KIF17: variants seen among roughly 807,000 people sequenced by gnomAD.
The protein encoded by KIF17 is kinesin-like protein KIF17.
A neutral mutation model predicts 96.8 loss-of-function variants in KIF17; 80 were observed. The observed-to-expected ratio is 0.83, with a 90% CI of 0.69 to 1.00. The LOEUF is 1.00. Ranked by LOEUF, KIF17 falls within the 50% of genes least tolerant of loss-of-function variation. The pLI, the probability that KIF17 is intolerant of heterozygous loss-of-function variation, is 0.00. For missense variants in KIF17, 1,280 were observed against 1,372.9 expected (o/e 0.93, Z 1.07); for synonymous variants, 567 against 587.5 (o/e 0.97, Z 0.51).
Position 20,672,110 on chromosome 1 carries a change from C to T in KIF17, c.2550G>A (p.Gln850=). 1 of 1,614,206 alleles carries T rather than the reference C, an allele frequency of 6.2e-7. No individual in the cohort carries two copies. Among genetic ancestry groups the T allele is most frequent in the Non-Finnish European group, 8.5e-7 (1 of 1,180,032 alleles). ...GCTGCAAGAGCATGGAGTCACGCTC[C>T]TGCCGGCGGATGGTGGCCAAGTAAT... ...KIDYLATIRR[Q]ERDSMLLQQL... The change falls in exon 12 of 15, where the codon CAG becomes CAA. Residue 850 remains glutamine, a synonymous_variant. Transcript: ENST00000400463. This position sits in a 1 kb window ranked among gnomAD's most constrained non-coding sequence, Gnocchi z 4.3.
In KIF17 at chr1:20,707,787, A is replaced by ATGTGTGTGTGTGTGTGTGTGTGTG. The variant is rs3077930; in HGVS notation, c.670+1828_670+1851dup. ...CAAAAAAAAAAACAAACCAATGTGT[A>ATGTGTGTGTGTGTGTGTGTGTGTG]TGTGTGTGTGTGTGTGTGTGTGTGT... On this transcript the variant is annotated intron_variant, in intron 4 of 14. Coordinates refer to ENST00000400463, the MANE Select transcript of KIF17 (RefSeq NM_001122819.3). Among the ~76,000 whole-genome samples the ATGTGTGTGTGTGTGTGTGTGTGTG allele has an allele frequency of 1.3e-3, 159 of 124,548 alleles. 3 individuals carry two copies. The highest frequency in any genetic ancestry group is 4.8e-3 in the African/African-American group (148 of 30,522). The allele number at this position is 124,548 out of a possible 152,430, so 81.7% of individuals were successfully genotyped here.
rs374751307 is a variant in KIF17 at position 20,704,422 on chromosome 1, C to T, written c.1123+25G>A. On this transcript the variant is annotated intron_variant, in intron 5 of 14. Coordinates refer to ENST00000400463, the MANE Select transcript of KIF17 (RefSeq NM_001122819.3). This position sits in a 1 kb window ranked among gnomAD's most constrained non-coding sequence, Gnocchi z 6.8. ...CTTTCTCCTGGGGACCTGGCCCTCC[C>T]GCCACTACCCCAACGTGGTCCCACC... The T allele has an allele frequency of 1.4e-5, 22 of 1,598,218 alleles. No homozygotes were observed. The highest frequency in any genetic ancestry group is 2.2e-5 in the South Asian group (2 of 89,856).
chr1:20,672,899 C>T lies in KIF17; in HGVS notation c.2464-703G>A, dbSNP rs1313299753. ...GACTACCTGGTGCACAGTCTGTTTC[C>T]TCAAAGAGCAGGTACAGTCTGATTA... is the stretch of plus-strand genomic sequence containing the variant. On this transcript the variant is annotated intron_variant, in intron 11 of 14. Transcript: ENST00000400463. This position sits in a 1 kb window ranked among gnomAD's most constrained non-coding sequence, Gnocchi z 4.3. 6.3e-6 allele frequency: 1 copy of T among 158,548 alleles called. No individual in the cohort carries two copies. Among genetic ancestry groups the T allele is most frequent in the Non-Finnish European group, 1.4e-5 (1 of 71,328 alleles). The allele number at this position is 158,548 out of a possible 1,614,324, so 9.8% of individuals were successfully genotyped here. A position where few individuals can be genotyped will look rare whatever the true frequency, so the allele number is the denominator to read the frequency against.
Position 20,682,681 on chromosome 1 carries a change from C to A in KIF17, c.2435G>T (p.Ser812Ile). Reference sequence around the variant, plus strand: ...CCTCTGCATCTTCTCCAGCAGCTTGCTCTTGGCCCGCACTTCCTCCTGGAT... The same window carrying A: ...CCTCTGCATCTTCTCCAGCAGCTTGATCTTGGCCCGCACTTCCTCCTGGAT... ...DSIQEEVRAK[S>I]KLLEKMQRKL... is the part of the protein sequence containing the mutation. The change falls in exon 11 of 15, where the codon AGC becomes ATC. Residue 812 changes from serine (S) to isoleucine (I), a missense_variant. Physicochemically the swap from Ser to Ile is moderately radical, Grantham distance 142. Transcript: ENST00000400463. The A allele has an allele frequency of 6.2e-7, 1 of 1,614,068 alleles. No homozygotes were observed. The highest frequency in any genetic ancestry group is 8.5e-7 in the Non-Finnish European group (1 of 1,180,036).
At chr1:20,678,511 T>C (rs1158805809) in intron 11 of KIF17, among the ~76,000 whole-genome samples, 1 of 151,976 alleles carries the variant, frequency 6.6e-6, no homozygotes, top group East Asian at 1.9e-4. Context: ...CAAAAAAACA[T>C]GCAGAAGAAC....
At position 20,704,742 on chromosome 1, in the gene KIF17, C is replaced by T. The variant is rs1290236679; in HGVS notation, c.828G>A (p.Ala276=). ...CGTGCTTACAGCGCCCGTCCACCAGCGCCGAGATGACATTGCCCAGTGCCG... is the reference window on the plus strand; with the variant it reads ...CGTGCTTACAGCGCCCGTCCACCAGTGCCGAGATGACATTGCCCAGTGCCG... ...SLSALGNVIS[A]LVDGRCKHVP... The change falls in exon 5 of 15, where the codon GCG becomes GCA. Residue 276 remains alanine (A), a synonymous_variant. Transcript: ENST00000400463. This position sits in a 1 kb window ranked among gnomAD's most constrained non-coding sequence, Gnocchi z 6.8. The T allele has an allele frequency of 3.1e-6, 5 of 1,612,594 alleles. No individual in the cohort carries two copies. Among genetic ancestry groups the T allele is most frequent in the Admixed American group, 1.7e-5 (1 of 59,984 alleles).
chr1:20,669,464 A>T (rs1220445520), intron 13 of KIF17, among the ~76,000 whole-genome samples: 1 of 150,822 alleles, frequency 6.6e-6, no homozygotes, highest in Non-Finnish European at 1.5e-5. Context: ...TGAACCTGGG[A>T]GGCAGAGCTT....
intron 3 of KIF17, among the ~76,000 whole-genome samples, chr1:20,711,116 A>G (rs966467783): frequency 6.6e-6 from 1 of 152,114 alleles, no homozygotes; most frequent in Non-Finnish European, 1.5e-5. Flanking sequence ...TTTCTCTTCC[A>G]TAAAATGGGG....
At position 20,704,626 on chromosome 1, in the gene KIF17, G is replaced by A. The variant is rs528572676; in HGVS notation, c.944C>T (p.Ala315Val). 23 of 1,614,118 alleles carry A rather than the reference G, an allele frequency of 1.4e-5. No homozygotes were observed. The East Asian group carries it at 1.8e-4, about 13-fold the overall frequency. ...GAGTGTCTCATCGTAGTTGTTGTCC[G>A]CAGGCGACAGGCAGGCCACCATGAG... ...KTLMVACLSP[A>V]DNNYDETLST... The change falls in exon 5 of 15, where the codon GCG becomes GTG. Residue 315 changes from alanine (A) to valine (V), a missense_variant. Physicochemically the swap from Ala to Val is moderately conservative, Grantham distance 64 (BLOSUM62 0). Transcript: ENST00000400463. This position sits in a 1 kb window ranked among gnomAD's most constrained non-coding sequence, Gnocchi z 6.8.
Position 20,698,388 on chromosome 1 carries a change from C to T in KIF17, c.1224G>A (p.Leu408=). 2 of 1,613,150 alleles carry T rather than the reference C, an allele frequency of 1.2e-6. No homozygotes were observed. Among genetic ancestry groups the T allele is most frequent in the Non-Finnish European group, 1.7e-6 (2 of 1,179,280 alleles). The change falls in exon 6 of 15, where the codon CTG becomes CTA. Residue 408 remains leucine (L), a synonymous_variant. Transcript: ENST00000400463. The part of the protein sequence containing the change: ...IQHDVEAEKQ[L]IREEYEERLA... ...CCCGCTTGGGTCTCACCTCCCGGAT[C>T]AGCTGCTTCTCGGCCTCCACGTCAT...
chr1:20,696,677 TC>T (rs2054146706), intron 6 of KIF17, among the ~76,000 whole-genome samples: 3 of 151,812 alleles, frequency 2.0e-5, no homozygotes, highest in Non-Finnish European at 2.9e-5. Context: ...GAAGCCTCCG[TC>T]CCCGTCCTGC....
At chr1:20,694,224 A>C (rs1252024466) in intron 6 of KIF17, among the ~76,000 whole-genome samples, 2 of 151,742 alleles carry the variant, frequency 1.3e-5, no homozygotes, top group Non-Finnish European at 2.9e-5. Context: ...CAGCCTCCTG[A>C]GTAGCTGGGA....
intron 13 of KIF17, among the ~76,000 whole-genome samples, chr1:20,668,795 C>T (rs1009704943): frequency 6.6e-6 from 1 of 152,194 alleles, no homozygotes; most frequent in African/African-American, 2.4e-5. Flanking sequence ...TTGTGTATTA[C>T]CTGTGGCTGT....
intron 6 of KIF17, among the ~76,000 whole-genome samples, chr1:20,695,872 C>T (rs888510209): frequency 6.6e-6 from 1 of 152,276 alleles, no homozygotes; most frequent in Non-Finnish European, 1.5e-5. Flanking sequence ...CATCCCCCTC[C>T]GGCTAGAGTG....
chr1:20,668,047 ATG>A (rs2053559049), intron 13 of KIF17, among the ~76,000 whole-genome samples: 1 of 150,804 alleles, frequency 6.6e-6, no homozygotes, highest in Non-Finnish European at 1.5e-5. Context: ...GCGGTGGCTC[ATG>A]CCTGTAATCC....
intron 3 of KIF17, among the ~76,000 whole-genome samples, chr1:20,712,559 AT>A (rs1206915199): frequency 3.5e-4 from 36 of 101,642 alleles, no homozygotes; most frequent in South Asian, 1.2e-3. Flanking sequence ...TATTATCTAT[AT>A]TATATATATA....
In KIF17 at chr1:20,717,515, G is replaced by T. The variant is rs1387350801; in HGVS notation, c.192C>A (p.Thr64=). 6.2e-7 allele frequency: 1 copy of T among 1,611,948 alleles called. No homozygotes were observed. Among genetic ancestry groups the T allele is most frequent in the African/African-American group, 1.3e-5 (1 of 75,036 alleles). Residue 64 remains threonine, a synonymous_variant, in exon 1 of 15, where the codon ACC becomes ACA. Transcript: ENST00000400463. Reference sequence around the variant, plus strand: ...AGGCGATCTCGTTGTAGATCTGCTCGGTGACGTGGTCCACGTGGTAGGCGC... The same window carrying T: ...AGGCGATCTCGTTGTAGATCTGCTCTGTGACGTGGTCCACGTGGTAGGCGC... ...FDGAYHVDHV[T]EQIYNEIAYP...
intron 11 of KIF17, among the ~76,000 whole-genome samples, chr1:20,678,582 G>A (rs758110088): frequency 3.9e-5 from 6 of 151,968 alleles, no homozygotes; most frequent in Admixed American, 6.6e-5. Context: ...GACAGAGAAC[G>A]CTGGAACCTT....
intron 7 of KIF17, among the ~76,000 whole-genome samples, chr1:20,688,262 A>T (rs2053976519): frequency 6.6e-6 from 1 of 151,756 alleles, no homozygotes. Flanking sequence ...GTTAGCCAGG[A>T]TGGTCTCGAT....
Sources: allele counts gnomAD v4.1 joint callset (sites outside exome capture counted in the v4.1 genomes callset), GRCh38; gene constraint gnomAD v4.1.1; non-coding constraint Gnocchi (gnomAD v3.1); transcripts MANE v1.5; gene names NCBI Gene and HGNC (gene_info 2026-07-23, HGNC 2026-07-21).